MAPKAP1: variants seen among roughly 807,000 people sequenced by gnomAD.
The protein encoded by MAPKAP1 is MAPK associated protein 1.
Under a neutral mutation model 65.7 loss-of-function variants are expected in MAPKAP1, and 20 were observed. The observed-to-expected ratio is 0.30, with a 90% CI of 0.21 to 0.44. The LOEUF (loss-of-function observed/expected upper bound fraction) is 0.44. MAPKAP1 is among the 20% of genes least tolerant of loss of function. MAPKAP1 has a pLI of 1.00. For synonymous variants in MAPKAP1, 222 were observed against 244.3 expected, an observed-to-expected ratio of 0.91 and a Z score of 0.85; for missense variants, 423 against 648.0, an observed-to-expected ratio of 0.65 and a Z score of 3.77.
chr9:125,575,382 G>A (rs970729912), intron 5 of MAPKAP1, among the ~76,000 whole-genome samples: 1 of 152,116 alleles, frequency 6.6e-6, no homozygotes, highest in African/African-American at 2.4e-5. Flanking sequence ...GATGCTTGAT[G>A]AGATAAGCCC....
chr9:125,541,850 C>T (rs1437051464), intron 7 of MAPKAP1, among the ~76,000 whole-genome samples: 3 of 152,218 alleles, frequency 2.0e-5, no homozygotes, highest in African/African-American at 7.2e-5. Flanking sequence ...GGAAGATCAT[C>T]ATCATTTAAT....
chr9:125,707,196 A>C lies in MAPKAP1; in HGVS notation c.-295T>G, dbSNP rs1031845094. 5.0e-6 allele frequency: 2 copies of C among 397,850 alleles called. No individual in the cohort carries two copies. Among genetic ancestry groups the C allele is most frequent in the Non-Finnish European group, 8.9e-6 (2 of 225,704 alleles). The allele number at this position is 397,850 out of a possible 1,614,324, so 24.6% of individuals were successfully genotyped here. On this transcript the variant is annotated 5_prime_UTR_variant, in exon 1 of 12. Coordinates refer to ENST00000265960, the MANE Select transcript of MAPKAP1 (RefSeq NM_001006617.3). ...GCCGAGCAGCAGCCCTATTACCCCG[A>C]GCCGCACACGACCCGGAACCACACC...
chr9:125,439,146 T>A lies in MAPKAP1; in HGVS notation c.1444-134A>T. ...GCCAGGTGCTGTCGTGTGGAAGGAG[T>A]CCAGTCATCACAGCAACCTGGCAGC... On this transcript the variant is annotated intron_variant, in intron 11 of 11. Coordinates refer to ENST00000265960, the MANE Select transcript of MAPKAP1 (RefSeq NM_001006617.3). The surrounding 1 kb of genome is among the most constrained non-coding windows in gnomAD (Gnocchi z 4.0). The A allele has an allele frequency of 2.1e-6, 2 of 940,260 alleles. No individual in the cohort carries two copies. The highest frequency in any genetic ancestry group is 3.1e-6 in the Non-Finnish European group (2 of 642,754). The allele number at this position is 940,260 out of a possible 1,614,324, so 58.2% of individuals were successfully genotyped here.
intron 4 of MAPKAP1, among the ~76,000 whole-genome samples, chr9:125,640,504 A>G (rs1466473054): frequency 1.3e-5 from 2 of 152,136 alleles, no homozygotes; most frequent in Admixed American, 6.5e-5. Context: ...GGAGCAAGAC[A>G]AACATTAAAT....
intron 4 of MAPKAP1, among the ~76,000 whole-genome samples, chr9:125,622,794 G>A (rs969973368): frequency 8.9e-6 from 1 of 112,012 alleles, no homozygotes; most frequent in Non-Finnish European, 2.0e-5. Context: ...GCAAGGGAGA[G>A]GCTCTCCCCT....
intron 7 of MAPKAP1, among the ~76,000 whole-genome samples, chr9:125,525,710 A>C (rs10819055): frequency 0.051 from 7,768 of 151,098 alleles, 356 homozygotes; most frequent in East Asian, 0.19. Flanking sequence ...AACAAACAAA[A>C]AAAAAAAAAG....
chr9:125,522,766 A>G lies in MAPKAP1; in HGVS notation c.959-16349T>C, dbSNP rs568708203. Reference sequence around the variant, plus strand: ...CTTGCAGGCTACTAGTTTAGATGCAAATTCCTTACCCCACTCTCAAGGCTT... The same window carrying G: ...CTTGCAGGCTACTAGTTTAGATGCAGATTCCTTACCCCACTCTCAAGGCTT... On this transcript the variant is annotated intron_variant, in intron 7 of 11. Transcript: ENST00000265960. 2.0e-5 allele frequency among the ~76,000 whole-genome samples: 3 copies of G among 152,222 alleles called. No individual in the cohort carries two copies. The East Asian group carries it at 5.8e-4, about 29-fold the overall frequency.
At chr9:125,698,305 ATAT>A (rs1835478134) in intron 1 of MAPKAP1, among the ~76,000 whole-genome samples, 1 of 30,180 alleles carries the variant, frequency 3.3e-5, no homozygotes, top group African/African-American at 1.3e-4. Flanking sequence ...ATATATATAT[ATAT>A]ATATATATAT....
chr9:125,576,664 G>A (rs62570224), intron 5 of MAPKAP1, among the ~76,000 whole-genome samples: 11 of 152,226 alleles, frequency 7.2e-5, no homozygotes, highest in African/African-American at 1.9e-4. Context: ...GACTGCAGGC[G>A]CACGCCGCCA....
chr9:125,652,098 G>C, intron 4 of MAPKAP1: 6 of 1,259,676 alleles, frequency 4.8e-6, no homozygotes, highest in Non-Finnish European at 6.2e-6. Context: ...TTCTTTTTAC[G>C]TGATTTCAAT....
chr9:125,598,063 C>A (rs1421909162), intron 4 of MAPKAP1, among the ~76,000 whole-genome samples: 1 of 148,120 alleles, frequency 6.8e-6, no homozygotes. Context: ...TAAAGAGGGT[C>A]GACATGAGAA....
At chr9:125,456,865 T>G (rs1280567873) in intron 10 of MAPKAP1, among the ~76,000 whole-genome samples, 1 of 150,116 alleles carries the variant, frequency 6.7e-6, no homozygotes, top group African/African-American at 2.5e-5. Context: ...CCCACCAAAC[T>G]GTAAGACAGT....
chr9:125,581,919 G>C (rs1454320900), intron 5 of MAPKAP1, among the ~76,000 whole-genome samples: 1 of 151,834 alleles, frequency 6.6e-6, no homozygotes, highest in Non-Finnish European at 1.5e-5. Context: ...TCTGTCTTCA[G>C]TTCTGGGAAA....
intron 5 of MAPKAP1, among the ~76,000 whole-genome samples, chr9:125,574,452 A>G (rs1831331442): frequency 6.6e-6 from 1 of 152,224 alleles, no homozygotes; most frequent in South Asian, 2.1e-4. Context: ...TGTTTAGGTG[A>G]GTAGTTCTCA....
chr9:125,674,888 T>C (rs1834600288), intron 1 of MAPKAP1, among the ~76,000 whole-genome samples: 1 of 152,172 alleles, frequency 6.6e-6, no homozygotes, highest in South Asian at 2.1e-4. Context: ...TACCATGGGA[T>C]TCCTTTAAGC....
intron 8 of MAPKAP1, among the ~76,000 whole-genome samples, chr9:125,498,612 C>T (rs534073641): frequency 9.2e-5 from 14 of 152,260 alleles, no homozygotes; most frequent in African/African-American, 2.4e-4. Context: ...CATTCATTGA[C>T]GTGGTTGATA....
At chr9:125,530,796 G>A (rs1055583117) in intron 7 of MAPKAP1, among the ~76,000 whole-genome samples, 2 of 152,214 alleles carry the variant, frequency 1.3e-5, no homozygotes, top group African/African-American at 4.8e-5. Flanking sequence ...AAAGGTGCAG[G>A]CAAAGGCCAA....
Position 125,672,456 on chromosome 9 carries a change from T to G in MAPKAP1, c.119A>C (p.Lys40Thr), listed in dbSNP as rs1834524906. 8.1e-6 allele frequency: 13 copies of G among 1,614,194 alleles called. No homozygotes were observed. Among genetic ancestry groups the G allele is most frequent in the Non-Finnish European group, 1.1e-5 (13 of 1,180,032 alleles). The change falls in exon 2 of 12, where the codon AAG (lysine) becomes ACG (threonine). Residue 40 changes from lysine (K) to threonine (T), a missense_variant. Transcript: ENST00000265960. ...VLIDHDVDLEKIHPPSMPGDS... is the reference protein window; with the variant it reads ...VLIDHDVDLETIHPPSMPGDS... ...TCCAGGCATTGAAGGAGGATGAATC[T>G]TCTCTAGGTCAACATCATGATCAAT...
At chr9:125,594,660 T>C (rs1832072215) in intron 4 of MAPKAP1, among the ~76,000 whole-genome samples, 1 of 152,320 alleles carries the variant, frequency 6.6e-6, no homozygotes, top group Non-Finnish European at 1.5e-5. Context: ...TTGCACAGAC[T>C]TACAGTTTCA....
Sources: gnomAD v4.1 joint callset for allele counts (sites outside exome capture counted in the v4.1 genomes callset) on GRCh38, gnomAD v4.1.1 for gene constraint, Gnocchi (gnomAD v3.1) non-coding constraint, MANE v1.5 for transcripts, NCBI Gene and HGNC (gene_info 2026-07-23, HGNC 2026-07-21) for gene names.